The following ZNF385B variants were observed in gnomAD, a reference collection of about 807,000 sequenced individuals.
ZNF385B encodes zinc finger protein 385B, also known as zinc finger protein 533.
In ZNF385B, 23 loss-of-function variants were observed where a neutral mutation model predicts 39.2. The ratio of observed to expected loss-of-function variants is 0.59; its 90% CI spans 0.42 to 0.83. The LOEUF is 0.83. Ranked by LOEUF, ZNF385B falls within the 40% of genes least tolerant of loss-of-function variation. The pLI, the probability that ZNF385B is intolerant of heterozygous loss-of-function variation, is 0.00. For synonymous variants in ZNF385B, 205 were observed against 222.6 expected (o/e 0.92, Z 0.70); for missense variants, 552 against 598.9 (o/e 0.92, Z 0.82).
At chr2:179,848,071 G>A (rs1708890599) in intron 1 of ZNF385B, among the ~76,000 whole-genome samples, 1 of 152,110 alleles carries the variant, frequency 6.6e-6, no homozygotes, top group African/African-American at 2.4e-5. Flanking sequence ...GCACATGAAA[G>A]GAGCCAGCCT....
At chr2:179,831,547 T>TA (rs35635518) in intron 1 of ZNF385B, among the ~76,000 whole-genome samples, 2 of 152,266 alleles carry the variant, frequency 1.3e-5, no homozygotes, top group East Asian at 1.9e-4. Context: ...TTTTTGTTTT[T>TA]AAAAAATCTA....
intron 6 of ZNF385B, among the ~76,000 whole-genome samples, chr2:179,482,821 C>T (rs2054140016): frequency 6.6e-6 from 1 of 152,092 alleles, no homozygotes; most frequent in Non-Finnish European, 1.5e-5. Flanking sequence ...GGCTCCTCAA[C>T]TCCTTTTTAC....
intron 3 of ZNF385B, among the ~76,000 whole-genome samples, chr2:179,717,522 C>G (rs371471683): frequency 1.2e-4 from 19 of 152,180 alleles, no homozygotes; most frequent in African/African-American, 3.9e-4. Flanking sequence ...TACTTGAGCC[C>G]CGGAGTTTGA....
At chr2:179,627,156 G>A (rs1021394384) in intron 3 of ZNF385B, among the ~76,000 whole-genome samples, 1 of 152,112 alleles carries the variant, frequency 6.6e-6, no homozygotes, top group Non-Finnish European at 1.5e-5. Context: ...AGCTTGGTGA[G>A]TTTCTGGCAG....
At chr2:179,834,908 G>A (rs896823855) in intron 1 of ZNF385B, among the ~76,000 whole-genome samples, 1 of 152,122 alleles carries the variant, frequency 6.6e-6, no homozygotes, top group Non-Finnish European at 1.5e-5. Context: ...TACTCAGGAG[G>A]AAACTTCAGA....
intron 3 of ZNF385B, among the ~76,000 whole-genome samples, chr2:179,588,196 C>T (rs1401987165): frequency 1.3e-5 from 2 of 152,244 alleles, no homozygotes; most frequent in Admixed American, 1.3e-4. Context: ...TCACGCCATT[C>T]TCCTGCCTCA....
chr2:179,703,707 C>A (rs1481315745), intron 3 of ZNF385B, among the ~76,000 whole-genome samples: 2 of 152,218 alleles, frequency 1.3e-5, no homozygotes, highest in African/African-American at 2.4e-5. Context: ...GAATAAAATA[C>A]ACATGTGTGC....
intron 3 of ZNF385B, among the ~76,000 whole-genome samples, chr2:179,689,729 G>A (rs772157932): frequency 7.9e-5 from 12 of 151,808 alleles, no homozygotes; most frequent in Non-Finnish European, 7.4e-5. Context: ...TTCCATTAAT[G>A]TTAGCCACCA....
intron 3 of ZNF385B, among the ~76,000 whole-genome samples, chr2:179,696,726 A>T (rs1575262245): frequency 6.6e-6 from 1 of 152,236 alleles, no homozygotes; most frequent in South Asian, 2.1e-4. Context: ...CATTTAAAAA[A>T]ACTATAGAAG....
chr2:179,510,352 G>A (rs79102554), intron 5 of ZNF385B, among the ~76,000 whole-genome samples: 3 of 151,990 alleles, frequency 2.0e-5, no homozygotes, highest in Admixed American at 6.6e-5. Flanking sequence ...TGTGTGGCAG[G>A]CAGTGAATGT....
intron 3 of ZNF385B, among the ~76,000 whole-genome samples, chr2:179,744,236 A>C (rs1702244332): frequency 6.6e-6 from 1 of 152,224 alleles, no homozygotes; most frequent in Middle Eastern, 3.4e-3. Context: ...AGAAATGACA[A>C]TGCATCTAGA....
chr2:179,835,940 G>C (rs955179343), intron 1 of ZNF385B, among the ~76,000 whole-genome samples: 2 of 152,058 alleles, frequency 1.3e-5, no homozygotes, highest in Non-Finnish European at 2.9e-5. Flanking sequence ...ATCGTTAAGT[G>C]TATAATACAT....
intron 3 of ZNF385B, among the ~76,000 whole-genome samples, chr2:179,622,024 C>T (rs1399509808): frequency 6.6e-6 from 1 of 152,136 alleles, no homozygotes; most frequent in Non-Finnish European, 1.5e-5. Flanking sequence ...CCACTGTATA[C>T]TAAGCTGTAA....
chr2:179,822,372 C>T (rs55781930), intron 1 of ZNF385B, among the ~76,000 whole-genome samples: 8,827 of 152,286 alleles, frequency 0.058, 301 homozygotes, highest in Non-Finnish European at 0.068. Context: ...ATTTATTTTG[C>T]TAAAGTACTT....
At chr2:179,628,597 T>C (rs1418147032) in intron 3 of ZNF385B, among the ~76,000 whole-genome samples, 1 of 152,212 alleles carries the variant, frequency 6.6e-6, no homozygotes, top group Non-Finnish European at 1.5e-5. Context: ...TGTCTTTCTT[T>C]TGCTAATTAG....
chr2:179,773,213 T>A (rs1027957069), intron 1 of ZNF385B, among the ~76,000 whole-genome samples: 1 of 152,160 alleles, frequency 6.6e-6, no homozygotes, highest in African/African-American at 2.4e-5. Flanking sequence ...GGTAAAGACA[T>A]CTCTGTTGCA....
chr2:179,493,536 C>CGTATACATATGTGTGTACATATATGT (rs2055543696), intron 5 of ZNF385B, among the ~76,000 whole-genome samples: 2 of 149,708 alleles, frequency 1.3e-5, no homozygotes, highest in Non-Finnish European at 1.5e-5. Context: ...TACATATATG[C>CGTATACATATGTGTGTACATATATGT]GTATACATAC....
intron 3 of ZNF385B, among the ~76,000 whole-genome samples, chr2:179,626,251 T>A (rs1488606126): frequency 6.6e-6 from 1 of 152,156 alleles, no homozygotes; most frequent in Non-Finnish European, 1.5e-5. Flanking sequence ...GAATTTATGA[T>A]AAATAGTACT....
intron 3 of ZNF385B, among the ~76,000 whole-genome samples, chr2:179,707,695 A>T (rs997760048): frequency 6.6e-6 from 1 of 152,194 alleles, no homozygotes; most frequent in African/African-American, 2.4e-5. Context: ...GGAAATGGAG[A>T]AACTGCATAG....
Sources: gnomAD v4.1 joint callset for allele counts (sites outside exome capture counted in the v4.1 genomes callset) on GRCh38, gnomAD v4.1.1 for gene constraint, MANE v1.5 for transcripts, NCBI Gene and HGNC (gene_info 2026-07-23, HGNC 2026-07-21) for gene names.